Variants in PES1 observed in about 807,000 individuals in gnomAD.
PES1 encodes the protein pescadillo ribosomal biogenesis factor 1.
A neutral mutation model predicts 77.1 loss-of-function variants in PES1; 31 were observed. The observed-to-expected ratio is 0.40, with a 90% CI of 0.30 to 0.54. The LOEUF (loss-of-function observed/expected upper bound fraction) is 0.54, where lower values mean the gene tolerates loss of function less well. Ranked by LOEUF, PES1 falls within the 20% of genes least tolerant of loss-of-function variation. PES1 has a pLI of 0.45. For missense variants in PES1, 658 were observed against 771.7 expected, an observed-to-expected ratio of 0.85 and a Z score of 1.75; for synonymous variants, 282 against 303.0, an observed-to-expected ratio of 0.93 and a Z score of 0.72.
At chr22:30,597,914 C>G (rs1439825045) in intron 2 of PES1, among the ~76,000 whole-genome samples, 1 of 131,396 alleles carries the variant, frequency 7.6e-6, no homozygotes, top group Non-Finnish European at 1.6e-5. Context: ...GTCGGAGTCT[C>G]ACTCTGTCGC....
At chr22:30,591,511 C>T (rs1250189454) in intron 1 of PES1, among the ~76,000 whole-genome samples, 2 of 152,224 alleles carry the variant, frequency 1.3e-5, no homozygotes, top group Admixed American at 1.3e-4. Flanking sequence ...GTTTATCACC[C>T]TTTCGGTAAA....
rs377206544 is a variant in PES1, at chr22:30,584,314, A to G, written c.630+51T>C. ...AAAATCCCCCTTCCTCCACATCCAT[A>G]TCTGTCTAGGAGGCAGCACAAGCCC... On this transcript the variant is annotated intron_variant, in intron 6 of 14. Transcript: ENST00000354694. 1.3e-5 allele frequency: 18 copies of G among 1,357,752 alleles called. 1 individual carries two copies. The highest frequency in any genetic ancestry group is 3.5e-4 in the Middle Eastern group (2 of 5,634). 84.1% of individuals were successfully genotyped at this position (1,357,752 alleles called of 1,614,324 possible). A position where few individuals can be genotyped will look rare whatever the true frequency, so the allele number is the denominator to read the frequency against.
rs777868921 is a variant in PES1 at position 30,584,601 on chromosome 22, C to A, written c.485G>T (p.Arg162Leu). The change falls in exon 5 of 15, where the codon CGC (arginine) becomes CTC (leucine). Residue 162 changes from arginine (R) to leucine (L), a missense_variant. Transcript: ENST00000354694. Reference protein sequence around the residue: ...KCHVQTIQLCRRLTVEFMHYI... With the variant: ...KCHVQTIQLCLRLTVEFMHYI... ...GTGCATGAACTCCACAGTGAGCCGG[C>A]GGCACAGCTGAATGGTCTGCACGTG... 5.0e-6 allele frequency: 8 copies of A among 1,613,102 alleles called. No homozygotes were observed. The African/African-American group carries it at 1.1e-4, about 22-fold the overall frequency.
At chr22:30,600,209 CTA>C (rs1432149134) in intron 2 of PES1, among the ~76,000 whole-genome samples, 1 of 152,038 alleles carries the variant, frequency 6.6e-6, no homozygotes, top group Non-Finnish European at 1.5e-5. Flanking sequence ...TGGCACAAGC[CTA>C]TAGTCCCAGC....
At position 30,584,677 on chromosome 22, in the gene PES1, C is replaced by T; in HGVS notation, c.409G>A (p.Ala137Thr). 6.2e-7 allele frequency: 1 copy of T among 1,613,924 alleles called. No homozygotes were observed. Among genetic ancestry groups the T allele is most frequent in the Non-Finnish European group, 8.5e-7 (1 of 1,180,028 alleles). The change falls in exon 5 of 15, where the codon GCC becomes ACC. Residue 137 changes from alanine to threonine, a missense_variant. Coordinates refer to ENST00000354694, the MANE Select transcript of PES1 (RefSeq NM_014303.4). ...GAAAACAGGAAGCACATGGAGAGGG[C>T]ATCGTCCAGGTCCCGCAGGGCATCG... ...FIDALRDLDD[A>T]LSMCFLFSTF...
At chr22:30,590,268 G>A (rs781148364) in intron 1 of PES1, among the ~76,000 whole-genome samples, 11 of 152,184 alleles carry the variant, frequency 7.2e-5, no homozygotes, top group African/African-American at 9.7e-5. Flanking sequence ...TCCCTCGATA[G>A]AGACAATCAG....
chr22:30,600,493 G>T (rs2087338383), intron 2 of PES1, among the ~76,000 whole-genome samples: 1 of 151,318 alleles, frequency 6.6e-6, no homozygotes, highest in African/African-American at 2.4e-5. Flanking sequence ...GACCAGCCTG[G>T]GCAAAAAAGC....
chr22:30,604,881 TAAAAA>T (rs894016134), intron 2 of PES1, among the ~76,000 whole-genome samples: 1 of 151,906 alleles, frequency 6.6e-6, no homozygotes, highest in Non-Finnish European at 1.5e-5. Context: ...AGTTCAAAAA[TAAAAA>T]AAATAGAAAT....
At chr22:30,600,600 A>C (rs2087340093) in intron 2 of PES1, among the ~76,000 whole-genome samples, 1 of 152,030 alleles carries the variant, frequency 6.6e-6, no homozygotes, top group African/African-American at 2.4e-5. Context: ...GTGGATCACG[A>C]GGTCAGGAGA....
chr22:30,584,144 G>A (rs978144016), intron 6 of PES1: 5 of 580,442 alleles, frequency 8.6e-6, no homozygotes, highest in Middle Eastern at 4.3e-4. Context: ...AAAGGAACAC[G>A]TCCAAGGGCA....
chr22:30,578,724 A>G lies in PES1; in HGVS notation c.1683+113T>C, dbSNP rs915799081. The G allele has an allele frequency of 4.8e-6, 6 of 1,246,688 alleles. No homozygotes were observed. In the African/African-American group the frequency reaches 6.0e-5, roughly 12 times the overall value. The allele number at this position is 1,246,688 out of a possible 1,614,324, so 77.2% of individuals were successfully genotyped here. On this transcript the variant is annotated intron_variant, in intron 14 of 14. Transcript: ENST00000354694. The stretch of plus-strand genomic sequence containing the variant: ...TGGGCCAGGCAGGCAACCTCAGGAA[A>G]AGGCTAGGAGAGCCTCAGTCTGCCT...
intron 1 of PES1, among the ~76,000 whole-genome samples, chr22:30,590,007 A>G (rs1440176767): frequency 2.0e-5 from 3 of 152,184 alleles, no homozygotes; most frequent in African/African-American, 7.2e-5. Context: ...TGAGGGTGGT[A>G]TTACCCTGGC....
chr22:30,600,828 A>C (rs900675129), intron 2 of PES1, among the ~76,000 whole-genome samples: 3 of 151,532 alleles, frequency 2.0e-5, no homozygotes, highest in Non-Finnish European at 4.4e-5. Flanking sequence ...AAAACAAAAC[A>C]AAAAAAAATT....
At position 30,576,693 on chromosome 22, in the gene PES1, C is replaced by G. The variant is rs41282479; in HGVS notation, c.*353G>C. On this transcript the variant is annotated 3_prime_UTR_variant, in exon 15 of 15. Transcript: ENST00000354694. Reference sequence around the variant, plus strand: ...CCCTACCCTCACCCCATCACAGCACCCTGAGAATCACGGGTCCAACTGTGT... The same window carrying G: ...CCCTACCCTCACCCCATCACAGCACGCTGAGAATCACGGGTCCAACTGTGT... 2.4e-3 allele frequency: 793 copies of G among 330,176 alleles called. 1 individual carries two copies. Among genetic ancestry groups the G allele is most frequent in the Non-Finnish European group, 3.7e-3 (659 of 178,072 alleles). 20.5% of individuals were successfully genotyped at this position (330,176 alleles called of 1,614,324 possible). A position where few individuals can be genotyped will look rare whatever the true frequency, so the allele number is the denominator to read the frequency against.
At chr22:30,579,502 G>A (rs1286231074) in intron 12 of PES1, 199 bp from the exon 13 acceptor site, 7 of 832,512 alleles carry the variant, frequency 8.4e-6, no homozygotes, top group Non-Finnish European at 1.3e-5. Flanking sequence ...CCCCAGTCCT[G>A]AGCTCTGTCG....
chr22:30,599,903 C>T (rs1199281409), intron 2 of PES1, among the ~76,000 whole-genome samples: 3 of 150,584 alleles, frequency 2.0e-5, no homozygotes, highest in African/African-American at 7.4e-5. Context: ...CATCTCAAAA[C>T]AAAAAGAAAA....
chr22:30,587,264 T>C (rs2087104512), intron 4 of PES1, 22 bp downstream of exon 4: 1 of 1,509,320 alleles, frequency 6.6e-7, no homozygotes, highest in Non-Finnish European at 9.2e-7. Context: ...AACAGCAGTG[T>C]CCTGAGGAAA....
rs2087425453 is a variant in PES1, at chr22:30,605,517, C to T, written c.-717G>A. 6.1e-6 allele frequency: 6 copies of T among 983,734 alleles called. No homozygotes were observed. The South Asian group carries it at 1.4e-4, about 23-fold the overall frequency. The allele number at this position is 983,734 out of a possible 1,614,324, so 60.9% of individuals were successfully genotyped here. A position where few individuals can be genotyped will look rare whatever the true frequency, so the allele number is the denominator to read the frequency against. ...ATGGCCACCTCCTCCAGGCTGCCTT[C>T]CTGGAAATAGGAATCATAATAGTTG... On this transcript the variant is annotated splice_region_variant and 5_prime_UTR_variant, in exon 2 of 17. Transcript: ENST00000402281.
At position 30,580,040 on chromosome 22, in the gene PES1, C is replaced by CT; in HGVS notation, c.1169+12dup. 6.2e-7 allele frequency: 1 copy of CT among 1,613,446 alleles called. No homozygotes were observed. ...ATACCCAGAAATCCGGACGAGGACC[C>CT]TTGAGGGCCTACCTGCCAATGACTG... On this transcript the variant is annotated intron_variant, in intron 11 of 14. Coordinates refer to ENST00000354694, the MANE Select transcript of PES1 (RefSeq NM_014303.4).
Sources: allele counts gnomAD v4.1 joint callset (sites outside exome capture counted in the v4.1 genomes callset), GRCh38; gene constraint gnomAD v4.1.1; transcripts MANE v1.5; gene names NCBI Gene and HGNC (gene_info 2026-07-23, HGNC 2026-07-21).